LRRFIP2: variants seen among roughly 807,000 people sequenced by gnomAD.
LRRFIP2 encodes the protein leucine-rich repeat flightless-interacting protein 2.
A neutral mutation model predicts 125.9 loss-of-function variants in LRRFIP2; 109 were observed. That is an observed-to-expected ratio of 0.87 (90% CI 0.74 to 1.01). The LOEUF is 1.01. Among genes scored for constraint, LRRFIP2 ranks in the 50% least tolerant of loss-of-function variants. LRRFIP2 has a pLI of 0.00. For missense variants in LRRFIP2, 850 were observed against 862.3 expected (o/e 0.99, Z 0.18); for synonymous variants, 291 against 293.1 (o/e 0.99, Z 0.07).
rs199604771 is a variant in LRRFIP2 at position 37,121,684 on chromosome 3, G to C, written c.236C>G (p.Ser79Trp). The C allele has an allele frequency of 7.4e-6, 12 of 1,614,000 alleles. No individual in the cohort carries two copies. The highest frequency in any genetic ancestry group is 9.3e-6 in the Non-Finnish European group (11 of 1,179,916). ...CCGGTGGGAATACCTGGCCCTTTCC[G>C]AATCTTCCTGGGAAAGGAGAAAGTA... Reference protein sequence around the residue: ...WGQIQKWLEDSERARYSHRSS... With the variant: ...WGQIQKWLEDWERARYSHRSS... The change falls in exon 5 of 28, where the codon TCG becomes TGG. Residue 79 changes from serine (S) to tryptophan (W), a missense_variant. By Grantham distance (177) the Ser-to-Trp change is radical. Transcript: ENST00000336686.
rs1286956101 is a variant in LRRFIP2 at position 37,149,029 on chromosome 3, G to A, written c.-46C>T. 2 of 1,608,858 alleles carry A rather than the reference G, an allele frequency of 1.2e-6. No individual in the cohort carries two copies. The highest frequency in any genetic ancestry group is 2.2e-5 in the East Asian group (1 of 44,720). On this transcript the variant is annotated 5_prime_UTR_variant, in exon 2 of 28. Coordinates refer to ENST00000336686, the MANE Select transcript of LRRFIP2 (RefSeq NM_006309.4). ...TTAACTTTGAAAGTGATTTAACTGT[G>A]TTTTCAGCCCTGAAGTAAACAAAAA...
Position 37,148,276 on chromosome 3 carries a change from A to G in LRRFIP2, c.90+618T>C, listed in dbSNP as rs1577506116. Among the ~76,000 whole-genome samples, 3 of 152,364 alleles carry G rather than the reference A, an allele frequency of 2.0e-5. No homozygotes were observed. In the Middle Eastern group the frequency reaches 0.01, roughly 518 times the overall value. On this transcript the variant is annotated intron_variant, in intron 2 of 27. Transcript: ENST00000336686. ...ATTGGATATTGTGAAAATTGATTAT[A>G]TAAATTGGAATTATCTTGTCATACC...
At chr3:37,163,321 G>A (rs2096394734) in intron 1 of LRRFIP2, among the ~76,000 whole-genome samples, 1 of 152,178 alleles carries the variant, frequency 6.6e-6, no homozygotes, top group African/African-American at 2.4e-5. Context: ...TGTTGACCAA[G>A]GCGTTTTCCC....
chr3:37,108,725 A>C (rs1191956390), intron 11 of LRRFIP2, 41 bp from the exon 12 acceptor site: 3 of 1,542,248 alleles, frequency 1.9e-6, no homozygotes, highest in East Asian at 2.2e-5. Context: ...TTTAGCTTCA[A>C]GGTTGTTTTG....
At chr3:37,127,845 G>C (rs2095324689) in intron 3 of LRRFIP2, among the ~76,000 whole-genome samples, 165 bp from the exon 4 acceptor site, 1 of 152,206 alleles carries the variant, frequency 6.6e-6, no homozygotes, top group Non-Finnish European at 1.5e-5. Context: ...TCAATAGTAA[G>C]AGATGCATGT....
chr3:37,145,127 A>G (rs926306411), intron 2 of LRRFIP2, among the ~76,000 whole-genome samples: 8 of 152,216 alleles, frequency 5.3e-5, no homozygotes, highest in African/African-American at 1.7e-4. Flanking sequence ...ATCTTACAAT[A>G]TGATTATGTT....
At chr3:37,121,896 A>T (rs79632876) in intron 4 of LRRFIP2, among the ~76,000 whole-genome samples, 1 of 150,006 alleles carries the variant, frequency 6.7e-6, no homozygotes, top group Admixed American at 6.6e-5. Flanking sequence ...GTAAGTTTCA[A>T]TATAGCAGTA....
At chr3:37,077,338 T>C (rs1002691585) in intron 19 of LRRFIP2, among the ~76,000 whole-genome samples, 1 of 152,178 alleles carries the variant, frequency 6.6e-6, no homozygotes, top group Non-Finnish European at 1.5e-5. Context: ...GTGGAATAAT[T>C]ATGCAGTGGT....
chr3:37,135,153 T>G (rs1180518147), intron 2 of LRRFIP2: 1 of 1,139,356 alleles, frequency 8.8e-7, no homozygotes, highest in Non-Finnish European at 1.3e-6. Context: ...GAATAAACTT[T>G]AAATTACTGT....
chr3:37,054,131 A>G lies in LRRFIP2; in HGVS notation c.2056-170T>C, dbSNP rs1384052538. ...GAGGTGTTAAATGATGATACTGAGG[A>G]TTGTTTATTTGTTTTAATCACAGAA... On this transcript the variant is annotated intron_variant, in intron 27 of 27. Coordinates refer to ENST00000336686, the MANE Select transcript of LRRFIP2 (RefSeq NM_006309.4). 1.2e-4 allele frequency among the ~76,000 whole-genome samples: 19 copies of G among 152,194 alleles called. 1 individual carries two copies. Among genetic ancestry groups the G allele is most frequent in the Admixed American group, 1.2e-3 (19 of 15,280 alleles).
intron 25 of LRRFIP2, among the ~76,000 whole-genome samples, chr3:37,058,471 C>T (rs1303188932): frequency 6.6e-6 from 1 of 151,956 alleles, no homozygotes; most frequent in Non-Finnish European, 1.5e-5. Context: ...GCCAGGAGTT[C>T]GAGACCAGCC....
upstream of LRRFIP2, among the ~76,000 whole-genome samples, chr3:37,175,366 T>C (rs1490456029): frequency 6.6e-6 from 1 of 152,202 alleles, no homozygotes; most frequent in Non-Finnish European, 1.5e-5. Context: ...AGGTTTAGGA[T>C]ACAATATTTA....
chr3:37,081,415 G>C (rs965388244), intron 19 of LRRFIP2, among the ~76,000 whole-genome samples: 1 of 152,128 alleles, frequency 6.6e-6, no homozygotes, highest in Non-Finnish European at 1.5e-5. Flanking sequence ...CAGAATGCCT[G>C]ACCTCTTTGT....
chr3:37,157,910 A>T (rs1460291120), intron 1 of LRRFIP2, among the ~76,000 whole-genome samples: 1 of 152,224 alleles, frequency 6.6e-6, no homozygotes, highest in Non-Finnish European at 1.5e-5. Flanking sequence ...TGTCCTAAGA[A>T]TTATCAAAAA....
At chr3:37,162,486 A>G (rs1321856911) in intron 1 of LRRFIP2, among the ~76,000 whole-genome samples, 3 of 152,240 alleles carry the variant, frequency 2.0e-5, no homozygotes, top group Non-Finnish European at 2.9e-5. Flanking sequence ...TAGACAATCT[A>G]TAAGTAGCCT....
intron 1 of LRRFIP2, among the ~76,000 whole-genome samples, chr3:37,165,807 A>AAAAAAGAAAGAAAGAAAG (rs2096469060): frequency 1.5e-5 from 2 of 129,716 alleles, no homozygotes; most frequent in African/African-American, 5.6e-5. Context: ...GAAAGAAAGA[A>AAAAAAGAAAGAAAGAAAG]AGAAAGAAAG....
chr3:37,150,138 G>A (rs75159010), intron 1 of LRRFIP2, among the ~76,000 whole-genome samples: 2,404 of 152,242 alleles, frequency 0.016, 70 homozygotes, highest in African/African-American at 0.052. Flanking sequence ...CTAAAGGTAC[G>A]GTGATGAAGA....
chr3:37,147,394 C>A (rs1292462050), intron 2 of LRRFIP2, among the ~76,000 whole-genome samples: 3 of 152,204 alleles, frequency 2.0e-5, no homozygotes, highest in Non-Finnish European at 4.4e-5. Flanking sequence ...AATACCTGCA[C>A]ATGTACGTTC....
At chr3:37,094,339 TTC>T (rs1259884603) in intron 17 of LRRFIP2, among the ~76,000 whole-genome samples, 2 of 152,228 alleles carry the variant, frequency 1.3e-5, no homozygotes, top group African/African-American at 2.4e-5. Flanking sequence ...TCTCAGGTAT[TTC>T]TGTTACCCAA....
Sources: gnomAD v4.1 joint callset for allele counts (sites outside exome capture counted in the v4.1 genomes callset) on GRCh38, gnomAD v4.1.1 for gene constraint, MANE v1.5 for transcripts, NCBI Gene and HGNC (gene_info 2026-07-23, HGNC 2026-07-21) for gene names.